TSNARE1: variants seen among roughly 807,000 people sequenced by gnomAD.
The protein encoded by TSNARE1 is t-SNARE domain containing 1.
In TSNARE1, 49 loss-of-function variants were observed where a neutral mutation model predicts 62.0. The ratio of observed to expected loss-of-function variants is 0.79; its 90% CI spans 0.63 to 1.00. The LOEUF is 1.00. TSNARE1 is among the 50% of genes least tolerant of loss of function. TSNARE1 has a pLI of 0.00. For synonymous variants in TSNARE1, 328 were observed against 294.4 expected (o/e 1.11, Z -1.17); for missense variants, 755 against 700.1 (o/e 1.08, Z -0.88).
chr8:142,237,375 C>T (rs576679881), intron 12 of TSNARE1, among the ~76,000 whole-genome samples: 6 of 152,300 alleles, frequency 3.9e-5, no homozygotes, highest in South Asian at 2.1e-4. Flanking sequence ...GGCACACGGG[C>T]GGCTCGTGGT....
At chr8:142,244,173 G>A (rs757006200) in intron 12 of TSNARE1, among the ~76,000 whole-genome samples, 10 of 152,196 alleles carry the variant, frequency 6.6e-5, no homozygotes, top group Non-Finnish European at 8.8e-5. Context: ...GCGACAGAGC[G>A]AGACTCCGAC....
chr8:142,275,990 G>A (rs1820415140), intron 11 of TSNARE1: 2 of 985,312 alleles, frequency 2.0e-6, no homozygotes, highest in African/African-American at 1.7e-5. Context: ...TGGAACCCAT[G>A]AGCCCTGCCT....
At chr8:142,323,407 G>A (rs1225142328) in intron 6 of TSNARE1, among the ~76,000 whole-genome samples, 1 of 152,236 alleles carries the variant, frequency 6.6e-6, no homozygotes, top group Non-Finnish European at 1.5e-5. Context: ...TGGGTCTCCA[G>A]AGTGGACAGT....
At chr8:142,337,788 C>T (rs1173367874) in intron 4 of TSNARE1, among the ~76,000 whole-genome samples, 1 of 152,230 alleles carries the variant, frequency 6.6e-6, no homozygotes, top group African/African-American at 2.4e-5. Context: ...ATGCAGGACG[C>T]CACATCCTGG....
chr8:142,256,333 GCCACCATCATCA>G (rs1818558662), intron 12 of TSNARE1, among the ~76,000 whole-genome samples: 1 of 2,402 alleles, frequency 4.2e-4, no homozygotes. Flanking sequence ...CACCATCTTT[GCCACCATCATCA>G]TCACCATCAT....
At chr8:142,259,302 C>G (rs1359812874) in intron 12 of TSNARE1, among the ~76,000 whole-genome samples, 3 of 152,190 alleles carry the variant, frequency 2.0e-5, no homozygotes, top group Non-Finnish European at 4.4e-5. Context: ...GGTTATTTTT[C>G]TGTTCAGCAT....
chr8:142,248,398 G>A (rs921650293), intron 12 of TSNARE1, among the ~76,000 whole-genome samples: 2 of 152,188 alleles, frequency 1.3e-5, no homozygotes, highest in Non-Finnish European at 2.9e-5. Flanking sequence ...ATTGAGTAAC[G>A]GGACAAAGAG....
chr8:142,394,368 A>G (rs1837752523), intron 1 of TSNARE1, among the ~76,000 whole-genome samples: 2 of 152,156 alleles, frequency 1.3e-5, no homozygotes, highest in Admixed American at 6.5e-5. Context: ...TAAACTGGGG[A>G]GTGAAAGCAG....
chr8:142,229,634 C>A, intron 12 of TSNARE1, 55 bp from the exon 13 acceptor site: 1 of 1,552,224 alleles, frequency 6.4e-7, no homozygotes, highest in South Asian at 1.1e-5. Context: ...CTCCCATCCT[C>A]AGGGGCATTT....
At chr8:142,242,509 C>T (rs1817712048) in intron 12 of TSNARE1, among the ~76,000 whole-genome samples, 1 of 152,334 alleles carries the variant, frequency 6.6e-6, no homozygotes, top group Middle Eastern at 3.4e-3. Context: ...ATGTCCAAAC[C>T]ATACACCTGA....
At chr8:142,248,682 C>T (rs1270175472) in intron 12 of TSNARE1, among the ~76,000 whole-genome samples, 4 of 152,218 alleles carry the variant, frequency 2.6e-5, no homozygotes, top group South Asian at 4.1e-4. Context: ...GTCTGGTTTA[C>T]GGAGGTGGAG....
chr8:142,234,457 A>G (rs985023149), intron 12 of TSNARE1, among the ~76,000 whole-genome samples: 1 of 151,118 alleles, frequency 6.6e-6, no homozygotes, highest in Non-Finnish European at 1.5e-5. Flanking sequence ...GGATGGCGCC[A>G]TGACCCCAAC....
intron 11 of TSNARE1, chr8:142,276,918 C>G: frequency 1.0e-6 from 1 of 985,458 alleles, no homozygotes; most frequent in Non-Finnish European, 1.2e-6. Flanking sequence ...CCCTCAGCGC[C>G]CAGGCTGCCA....
chr8:142,281,491 C>T (rs1821442599), intron 11 of TSNARE1, among the ~76,000 whole-genome samples: 1 of 151,978 alleles, frequency 6.6e-6, no homozygotes, highest in South Asian at 2.1e-4. Flanking sequence ...GGTTGGGGGC[C>T]GCACAGGCAG....
At chr8:142,369,745 C>A (rs1333973379) in intron 1 of TSNARE1, among the ~76,000 whole-genome samples, 24 of 152,138 alleles carry the variant, frequency 1.6e-4, no homozygotes, top group Admixed American at 1.6e-3. Flanking sequence ...AGGGAAAAGT[C>A]AGTCAACCTG....
At chr8:142,262,679 C>T (rs892358063) in intron 12 of TSNARE1, among the ~76,000 whole-genome samples, 5 of 152,074 alleles carry the variant, frequency 3.3e-5, no homozygotes, top group African/African-American at 1.2e-4. Context: ...TGGCACCTCC[C>T]CCACCTCTCT....
chr8:142,340,503 G>A (rs933839216), intron 4 of TSNARE1, among the ~76,000 whole-genome samples: 4 of 152,242 alleles, frequency 2.6e-5, no homozygotes, highest in Non-Finnish European at 4.4e-5. Context: ...CTCTGGAATT[G>A]AGACAGTGGC....
chr8:142,377,309 G>A (rs1471108120), intron 1 of TSNARE1, among the ~76,000 whole-genome samples: 1 of 150,850 alleles, frequency 6.6e-6, no homozygotes, highest in Non-Finnish European at 1.5e-5. Context: ...AAATACAAAA[G>A]CAACGTTATC....
intron 1 of TSNARE1, among the ~76,000 whole-genome samples, chr8:142,372,258 A>G (rs1476002825): frequency 2.0e-5 from 3 of 152,184 alleles, no homozygotes; most frequent in African/African-American, 7.2e-5. Flanking sequence ...GGCCCTGGGC[A>G]TGTTCACTGC....
Sources: gnomAD v4.1 joint callset for allele counts (sites outside exome capture counted in the v4.1 genomes callset) on GRCh38, gnomAD v4.1.1 for gene constraint, MANE v1.5 for transcripts, NCBI Gene and HGNC (gene_info 2026-07-23, HGNC 2026-07-21) for gene names.